Variants in MROH7 observed in about 807,000 individuals in gnomAD.
MROH7 encodes maestro heat like repeat family member 7, also known as maestro heat-like repeat-containing protein family member 7.
Under a neutral mutation model 129.2 loss-of-function variants are expected in MROH7, and 113 were observed. That is an observed-to-expected ratio of 0.87 (90% CI 0.75 to 1.02). MROH7 has a LOEUF of 1.02. Ranked by LOEUF, MROH7 falls within the 50% of genes least tolerant of loss-of-function variation. The pLI is 0.00. For missense variants in MROH7, 1,601 were observed against 1,671.3 expected, an observed-to-expected ratio of 0.96 and a Z score of 0.73; for synonymous variants, 655 against 667.9, an observed-to-expected ratio of 0.98 and a Z score of 0.30.
At position 54,654,123 on chromosome 1, in the gene MROH7, C is replaced by A. The variant is rs762359157; in HGVS notation, c.1197C>A (p.Gly399=). 6.2e-7 allele frequency: 1 copy of A among 1,613,146 alleles called. No homozygotes were observed. The highest frequency in any genetic ancestry group is 1.1e-5 in the South Asian group (1 of 90,884). ...PLGFPISNPA[G]KDAVTLQGIP... is the part of the protein sequence containing the mutation. ...GATTCCCCATCTCCAACCCCGCAGG[C>A]AAGGACGCCGTGACCTTGCAAGGCA... Residue 399 remains glycine, a synonymous_variant, in exon 3 of 24, where the codon GGC becomes GGA. Coordinates refer to ENST00000421030, the MANE Select transcript of MROH7 (RefSeq NM_001039464.4).
Position 54,682,688 on chromosome 1 carries a change from T to C in MROH7, c.2414T>C (p.Leu805Pro), listed in dbSNP as rs745862413. The C allele has an allele frequency of 6.8e-6, 11 of 1,613,866 alleles. No individual in the cohort carries two copies. Among genetic ancestry groups the C allele is most frequent in the Non-Finnish European group, 9.3e-6 (11 of 1,179,902 alleles). The change falls in exon 14 of 24, where the codon CTG (leucine) becomes CCG (proline). Residue 805 changes from leucine to proline, a missense_variant. Physicochemically the swap from Leu to Pro is moderately conservative, Grantham distance 98 (BLOSUM62 -3). Transcript: ENST00000421030. The part of the protein sequence containing the change: ...NGAEMWRQLI[L>P]CKPSCDVRDL... Reference sequence around the variant, plus strand: ...GCAGAGATGTGGAGGCAGCTGATACTGTGTAAGCCCAGCTGTGATGTCCGA... The same window carrying C: ...GCAGAGATGTGGAGGCAGCTGATACCGTGTAAGCCCAGCTGTGATGTCCGA...
intron 16 of MROH7, among the ~76,000 whole-genome samples, chr1:54,694,244 A>G (rs1396865822): frequency 1.3e-5 from 2 of 152,250 alleles, no homozygotes; most frequent in Non-Finnish European, 2.9e-5. Flanking sequence ...GAAGTTAAGC[A>G]TCTTTCCCCA....
At chr1:54,693,734 A>T (rs1645276237) in intron 16 of MROH7, among the ~76,000 whole-genome samples, 1 of 152,146 alleles carries the variant, frequency 6.6e-6, no homozygotes, top group Non-Finnish European at 1.5e-5. Flanking sequence ...TTAGCCCTGT[A>T]CCCTGAGTGC....
chr1:54,687,105 G>A (rs1287377816), intron 15 of MROH7, among the ~76,000 whole-genome samples: 3 of 150,730 alleles, frequency 2.0e-5, no homozygotes, highest in Non-Finnish European at 2.9e-5. Context: ...ATGGAGTCTC[G>A]CTCTGTCGCC....
intron 10 of MROH7, among the ~76,000 whole-genome samples, chr1:54,675,689 T>C (rs533309818): frequency 6.6e-6 from 1 of 151,868 alleles, no homozygotes; most frequent in South Asian, 2.1e-4. Flanking sequence ...CCTCAATCTT[T>C]CAGGCTCAAG....
chr1:54,695,343 C>T (rs1157557407), intron 16 of MROH7, 33 bp from the exon 17 acceptor site: 3 of 1,316,982 alleles, frequency 2.3e-6, no homozygotes, highest in Non-Finnish European at 2.2e-6. Flanking sequence ...GGGCTGGATA[C>T]CTGAGGGGAC....
At chr1:54,694,263 A>G (rs1334603269) in intron 16 of MROH7, among the ~76,000 whole-genome samples, 1 of 152,264 alleles carries the variant, frequency 6.6e-6, no homozygotes, top group Non-Finnish European at 1.5e-5. Context: ...CAAGTCACAC[A>G]GCTAGTGCTG....
Position 54,686,245 on chromosome 1 carries a change from C to A in MROH7, c.2521-13C>A. The A allele has an allele frequency of 2.5e-6, 4 of 1,606,436 alleles. No homozygotes were observed. The highest frequency in any genetic ancestry group is 1.1e-5 in the South Asian group (1 of 89,806). ...GGCCACGACATCCCAGCAGCCTCCC[C>A]TCTGCCCCATAGGCAGCCAGCGGCC... is the stretch of plus-strand genomic sequence containing the variant. On this transcript the variant is annotated splice_polypyrimidine_tract_variant and intron_variant, in intron 14 of 23. Coordinates refer to ENST00000421030, the MANE Select transcript of MROH7 (RefSeq NM_001039464.4).
At chr1:54,684,741 C>T (rs1423003820) in intron 14 of MROH7, among the ~76,000 whole-genome samples, 1 of 152,240 alleles carries the variant, frequency 6.6e-6, no homozygotes. Context: ...CACTATATAA[C>T]CGTGGTCAAT....
rs1644589721 is a variant in MROH7 at position 54,653,390 on chromosome 1, G to A, written c.464G>A (p.Cys155Tyr). ...TCAAATTCTGAAGATGCCTTCAAGT[G>A]CCTCTCAAGTAAGATTTTCAAGTTG... ...PQSNSEDAFKCLSSKIFKLGQ... is the reference protein window; with the variant it reads ...PQSNSEDAFKYLSSKIFKLGQ... The change falls in exon 3 of 24, where the codon TGC (cysteine) becomes TAC (tyrosine). Residue 155 changes from cysteine (C) to tyrosine (Y), a missense_variant. Cys to Tyr is a radical substitution (Grantham distance 194). Transcript: ENST00000421030. 6 of 1,614,060 alleles carry A rather than the reference G, an allele frequency of 3.7e-6. No homozygotes were observed. The highest frequency in any genetic ancestry group is 5.1e-6 in the Non-Finnish European group (6 of 1,180,044).
rs1644877432 is a variant in MROH7 at position 54,670,348 on chromosome 1, T to C, written c.1390-149T>C. The C allele has an allele frequency of 1.1e-5, 7 of 633,296 alleles. No individual in the cohort carries two copies. The Admixed American group carries it at 1.1e-4, about 10-fold the overall frequency. The allele number at this position is 633,296 out of a possible 1,614,324, so 39.2% of individuals were successfully genotyped here. A position where few individuals can be genotyped will look rare whatever the true frequency, so the allele number is the denominator to read the frequency against. Reference sequence around the variant, plus strand: ...AGCCAAGTGTGGTGGCATGAGCCTATAGTCCCAGTTACTTGGGAAGCTGAG... The same window carrying C: ...AGCCAAGTGTGGTGGCATGAGCCTACAGTCCCAGTTACTTGGGAAGCTGAG... On this transcript the variant is annotated intron_variant, in intron 5 of 23. Coordinates refer to ENST00000421030, the MANE Select transcript of MROH7 (RefSeq NM_001039464.4).
At chr1:54,649,426 G>A (rs2101058698) in intron 1 of MROH7, among the ~76,000 whole-genome samples, 1 of 152,370 alleles carries the variant, frequency 6.6e-6, no homozygotes, top group South Asian at 2.1e-4. Context: ...AAGAGCCACG[G>A]CTCCTCCTAA....
intron 1 of MROH7, among the ~76,000 whole-genome samples, chr1:54,650,465 A>G (rs992979888): frequency 1.3e-5 from 2 of 152,164 alleles, no homozygotes; most frequent in African/African-American, 4.8e-5. Flanking sequence ...CATCAAATGA[A>G]GAAGAGTCTC....
At position 54,653,828 on chromosome 1, in the gene MROH7, T is replaced by C; in HGVS notation, c.902T>C (p.Ile301Thr). ...ACTCAAGCCTCGTATGTGACCCTGATTCCTGGCTCCAGCTATGGTATCAGC... is the reference window on the plus strand; with the variant it reads ...ACTCAAGCCTCGTATGTGACCCTGACTCCTGGCTCCAGCTATGGTATCAGC... ...TITQASYVTL[I>T]PGSSYGISLH... Residue 301 changes from isoleucine to threonine, a missense_variant, in exon 3 of 24, where the codon ATT (isoleucine) becomes ACT (threonine). Physicochemically the swap from Ile to Thr is moderately conservative, Grantham distance 89 (BLOSUM62 -1). Transcript: ENST00000421030. 1.2e-6 allele frequency: 2 copies of C among 1,614,140 alleles called. No individual in the cohort carries two copies. The highest frequency in any genetic ancestry group is 8.5e-7 in the Non-Finnish European group (1 of 1,179,998).
intron 17 of MROH7, chr1:54,695,810 G>A: frequency 2.6e-6 from 1 of 385,384 alleles, no homozygotes. Flanking sequence ...TTTTGGTGTG[G>A]CAGAGGACAC....
intron 11 of MROH7, 99 bp from the exon 12 acceptor site, chr1:54,679,164 G>T: frequency 1.6e-6 from 2 of 1,216,508 alleles, no homozygotes; most frequent in African/African-American, 3.0e-5. Flanking sequence ...ACCTCTGCAT[G>T]TGGGCGTCAG....
intron 1 of MROH7, among the ~76,000 whole-genome samples, chr1:54,650,263 A>G (rs1644534314): frequency 6.6e-6 from 1 of 152,190 alleles, no homozygotes; most frequent in South Asian, 2.1e-4. Flanking sequence ...GCCCATGTTC[A>G]CCCATACTAG....
chr1:54,679,822 C>A, intron 12 of MROH7, 69 bp from the exon 13 acceptor site: 1 of 1,485,660 alleles, frequency 6.7e-7, no homozygotes, highest in South Asian at 1.2e-5. Context: ...CCTCTCCTCC[C>A]ACCTTCCTGC....
In MROH7 at chr1:54,653,255, A is replaced by G. The variant is rs749990498; in HGVS notation, c.329A>G (p.Lys110Arg). The G allele has an allele frequency of 4.3e-6, 7 of 1,614,036 alleles. No homozygotes were observed. The Admixed American group carries it at 6.7e-5, about 15-fold the overall frequency. ...GGTGAAGCCCTGGACCTGGATTCCA[A>G]GGATGTCTCAAGGCCTGACTCACAG... ...CSGEALDLDS[K>R]DVSRPDSQGR... is the part of the protein sequence containing the mutation. The change falls in exon 3 of 24, where the codon AAG becomes AGG. Residue 110 changes from lysine (K) to arginine (R), a missense_variant. Lys to Arg is a conservative substitution (Grantham distance 26). Transcript: ENST00000421030.
Sources: gnomAD v4.1 joint callset for allele counts (sites outside exome capture counted in the v4.1 genomes callset) on GRCh38, gnomAD v4.1.1 for gene constraint, MANE v1.5 for transcripts, NCBI Gene and HGNC (gene_info 2026-07-23, HGNC 2026-07-21) for gene names.